The following ARHGAP44 variants were observed in gnomAD, a reference collection of about 807,000 sequenced individuals.
ARHGAP44 encodes the protein Rho GTPase activating protein 44, also known as rho GTPase-activating protein 44.
ARHGAP44 carries 43 observed loss-of-function variants against 106.8 expected under a neutral mutation model. That is an observed-to-expected ratio of 0.40 (90% confidence interval 0.32 to 0.52). The LOEUF (loss-of-function observed/expected upper bound fraction) is 0.52. ARHGAP44 is among the 20% of genes least tolerant of loss of function. The pLI is 0.48. For synonymous variants in ARHGAP44, 439 were observed against 410.3 expected (o/e 1.07, Z -0.85); for missense variants, 866 against 1,050.5 (o/e 0.82, Z 2.43).
intron 18 of ARHGAP44, among the ~76,000 whole-genome samples, chr17:12,978,948 C>A (rs943327561): frequency 6.6e-5 from 10 of 152,122 alleles, no homozygotes; most frequent in Non-Finnish European, 1.5e-4. Context: ...CTCGGCCTCC[C>A]AAAGTGCTGG....
intron 12 of ARHGAP44, among the ~76,000 whole-genome samples, chr17:12,950,918 T>C (rs892772982): frequency 1.3e-5 from 2 of 152,170 alleles, no homozygotes; most frequent in Non-Finnish European, 2.9e-5. Flanking sequence ...GTGAAATATG[T>C]GTCTGATGCT....
At chr17:12,863,935 C>T (rs1181483241) in intron 1 of ARHGAP44, among the ~76,000 whole-genome samples, 2 of 152,200 alleles carry the variant, frequency 1.3e-5, no homozygotes, top group African/African-American at 2.4e-5. Context: ...CTGTGCTGGC[C>T]ATCAACTGGG....
At chr17:12,944,785 G>A (rs536301737) in intron 10 of ARHGAP44, among the ~76,000 whole-genome samples, 29 of 151,506 alleles carry the variant, frequency 1.9e-4, no homozygotes, top group African/African-American at 6.5e-4. Context: ...CACTGCGCCC[G>A]ACCCTGCTGC....
intron 3 of ARHGAP44, among the ~76,000 whole-genome samples, chr17:12,906,128 T>C (rs2037538056): frequency 6.6e-6 from 1 of 152,216 alleles, no homozygotes; most frequent in Non-Finnish European, 1.5e-5. Context: ...AAATCACCCC[T>C]GGTTGAGAAC....
chr17:12,848,172 C>T (rs1324306373), intron 1 of ARHGAP44, among the ~76,000 whole-genome samples: 2 of 152,108 alleles, frequency 1.3e-5, no homozygotes, highest in South Asian at 4.1e-4. Context: ...TTGCTACTTT[C>T]CATAAGAATA....
intron 1 of ARHGAP44, among the ~76,000 whole-genome samples, chr17:12,843,262 C>T (rs551622270): frequency 6.6e-6 from 1 of 152,152 alleles, no homozygotes; most frequent in Non-Finnish European, 1.5e-5. Context: ...TGTTTCTCCC[C>T]CCACCTCCCC....
intron 3 of ARHGAP44, among the ~76,000 whole-genome samples, chr17:12,906,457 A>C (rs935627465): frequency 2.0e-5 from 3 of 152,232 alleles, no homozygotes; most frequent in African/African-American, 7.2e-5. Context: ...GCTATAAATT[A>C]GGGGTCCCAC....
intron 1 of ARHGAP44, among the ~76,000 whole-genome samples, chr17:12,841,637 C>CACACACACACAA (rs1555546100): frequency 2.0e-5 from 2 of 101,700 alleles, no homozygotes; most frequent in East Asian, 3.0e-4. Flanking sequence ...CACACACACA[C>CACACACACACAA]ACAAACAAAC....
chr17:12,804,418 A>T (rs750495736), intron 1 of ARHGAP44, among the ~76,000 whole-genome samples: 53 of 152,182 alleles, frequency 3.5e-4, no homozygotes, highest in Non-Finnish European at 5.7e-4. Context: ...GGACGTGGGG[A>T]TAGCCTCGCC....
intron 4 of ARHGAP44, 101 bp from the exon 5 acceptor site, chr17:12,915,799 T>G: frequency 1.0e-6 from 1 of 991,984 alleles, no homozygotes; most frequent in Non-Finnish European, 1.5e-6. Context: ...TAACACTGAC[T>G]TGTGAAAGTT....
intron 18 of ARHGAP44, among the ~76,000 whole-genome samples, chr17:12,978,043 A>AAAAAAG (rs2039735692): frequency 1.4e-5 from 2 of 147,352 alleles, no homozygotes; most frequent in Admixed American, 6.7e-5. Context: ...TCTCAAAAAA[A>AAAAAAG]AAAAAAAAAA....
intron 10 of ARHGAP44, among the ~76,000 whole-genome samples, chr17:12,946,001 C>T (rs1243665248): frequency 3.3e-5 from 5 of 152,068 alleles, no homozygotes; most frequent in Admixed American, 6.6e-5. Flanking sequence ...TCAGGTAATC[C>T]GTCCACCTCG....
chr17:12,841,639 C>CAAAAAAAAAAAAA (rs1331198278), intron 1 of ARHGAP44, among the ~76,000 whole-genome samples: 6 of 137,472 alleles, frequency 4.4e-5, no homozygotes, highest in African/African-American at 1.8e-4. Context: ...CACACACACA[C>CAAAAAAAAAAAAA]AAACAAACAA....
chr17:12,820,896 G>A (rs2034751156), intron 1 of ARHGAP44, among the ~76,000 whole-genome samples: 1 of 152,174 alleles, frequency 6.6e-6, no homozygotes, highest in African/African-American at 2.4e-5. Flanking sequence ...GGCAGGCAGA[G>A]GCTTTGAAGA....
chr17:12,796,136 A>ATATCTATCTATC (rs67730348), intron 1 of ARHGAP44, among the ~76,000 whole-genome samples: 2,429 of 150,304 alleles, frequency 0.016, 66 homozygotes, highest in African/African-American at 0.057. Context: ...TTTGAGAAGT[A>ATATCTATCTATC]TATCTATCTA....
At chr17:12,899,438 T>G (rs1164116294) in intron 3 of ARHGAP44, among the ~76,000 whole-genome samples, 1 of 152,256 alleles carries the variant, frequency 6.6e-6, no homozygotes, top group Non-Finnish European at 1.5e-5. Flanking sequence ...TTTTTTTCAG[T>G]TTTTCTCTGA....
intron 13 of ARHGAP44, 139 bp downstream of exon 13, chr17:12,952,720 CTCTTTTTTTTTT>C (rs1474429585): frequency 7.9e-5 from 26 of 331,182 alleles, no homozygotes; most frequent in Non-Finnish European, 1.0e-4. Flanking sequence ...CATGCATGGT[CTCTTTTTTTTTT>C]TTTTTTTTTT....
intron 1 of ARHGAP44, among the ~76,000 whole-genome samples, chr17:12,829,629 G>A (rs2035029296): frequency 6.6e-6 from 1 of 152,046 alleles, no homozygotes; most frequent in South Asian, 2.1e-4. Context: ...TGATCAACCT[G>A]ACCTGTTCGT....
intron 15 of ARHGAP44, among the ~76,000 whole-genome samples, chr17:12,957,363 A>C (rs139892792): frequency 5.2e-4 from 79 of 152,326 alleles, no homozygotes; most frequent in African/African-American, 1.7e-3. Flanking sequence ...AGTTTCTTCA[A>C]ATCTGCAAAT....
Sources: gnomAD v4.1 joint callset for allele counts (sites outside exome capture counted in the v4.1 genomes callset) on GRCh38, gnomAD v4.1.1 for gene constraint, MANE v1.5 for transcripts, NCBI Gene and HGNC (gene_info 2026-07-23, HGNC 2026-07-21) for gene names.